Variants in CFAP77 observed in about 807,000 individuals in gnomAD.
CFAP77 encodes cilia and flagella associated protein 77, also known as cilia- and flagella-associated protein 77.
In CFAP77, 25 loss-of-function variants were observed where a neutral mutation model predicts 31.1. The observed-to-expected ratio is 0.80, with a 90% confidence interval of 0.59 to 1.12. CFAP77 has a LOEUF of 1.12. Among genes scored for constraint, CFAP77 ranks in the 50% most tolerant of loss-of-function variants. The pLI is 0.00. For missense variants in CFAP77, 377 were observed against 397.3 expected (o/e 0.95, Z 0.44); for synonymous variants, 151 against 159.9 (o/e 0.94, Z 0.42).
At chr9:132,543,609 G>T (rs946256396) in intron 5 of CFAP77, among the ~76,000 whole-genome samples, 2 of 152,204 alleles carry the variant, frequency 1.3e-5, no homozygotes, top group African/African-American at 4.8e-5. Context: ...ATCCTGCGCT[G>T]GGAATTTTGG....
At chr9:132,432,814 C>T (rs537642276) in intron 1 of CFAP77, among the ~76,000 whole-genome samples, 27 of 151,642 alleles carry the variant, frequency 1.8e-4, no homozygotes, top group East Asian at 7.8e-4. Flanking sequence ...CCCGGGTTCA[C>T]GCCATTCTCC....
chr9:132,433,231 T>C (rs1850443568), intron 1 of CFAP77, among the ~76,000 whole-genome samples: 1 of 152,170 alleles, frequency 6.6e-6, no homozygotes, highest in African/African-American at 2.4e-5. Context: ...GAGACAGATG[T>C]GTGTAAAGCT....
Position 132,497,938 on chromosome 9 carries a change from G to A in CFAP77, c.196-757G>A, listed in dbSNP as rs890455231. Among the ~76,000 whole-genome samples the A allele has an allele frequency of 3.3e-5, 5 of 152,180 alleles. No individual in the cohort carries two copies. The highest frequency in any genetic ancestry group is 1.2e-4 in the African/African-American group (5 of 41,444). On this transcript the variant is annotated intron_variant, in intron 1 of 5. Coordinates refer to ENST00000393216, the MANE Select transcript of CFAP77 (RefSeq NM_001282957.2). The surrounding 1 kb of genome is among the most constrained non-coding windows in gnomAD (Gnocchi z 4.9). ...TCAAGAGCGCCAGTCAAGAGGACAG[G>A]CACGCCTCCATGCGATGCCCTGCCC...
intron 3 of CFAP77, among the ~76,000 whole-genome samples, chr9:132,512,583 G>C (rs1483660009): frequency 6.6e-6 from 1 of 152,200 alleles, no homozygotes; most frequent in African/African-American, 2.4e-5. Flanking sequence ...GCTTCCCCTG[G>C]AGTCTTGCTA....
intron 1 of CFAP77, among the ~76,000 whole-genome samples, chr9:132,423,918 AG>A (rs1417586741): frequency 6.6e-6 from 1 of 152,226 alleles, no homozygotes; most frequent in African/African-American, 2.4e-5. Flanking sequence ...AGAAGAATCC[AG>A]TTAATCCATG....
chr9:132,495,068 G>T lies in CFAP77; in HGVS notation c.196-3627G>T, dbSNP rs1407000824. Among the ~76,000 whole-genome samples, 4 of 152,200 alleles carry T rather than the reference G, an allele frequency of 2.6e-5. No individual in the cohort carries two copies. The highest frequency in any genetic ancestry group is 5.9e-5 in the Non-Finnish European group (4 of 68,038). ...TTGCAAGACAGTGAATTTCATAAGAGCAGGGCTGTGTGTCTGATCTGTTCA... is the reference window on the plus strand; with the variant it reads ...TTGCAAGACAGTGAATTTCATAAGATCAGGGCTGTGTGTCTGATCTGTTCA... On this transcript the variant is annotated intron_variant, in intron 1 of 5. Coordinates refer to ENST00000393216, the MANE Select transcript of CFAP77 (RefSeq NM_001282957.2). This position sits in a 1 kb window ranked among gnomAD's most constrained non-coding sequence, Gnocchi z 4.2.
At chr9:132,416,100 G>A (rs1564196390) in intron 1 of CFAP77, among the ~76,000 whole-genome samples, 2 of 152,040 alleles carry the variant, frequency 1.3e-5, no homozygotes, top group Admixed American at 1.3e-4. Context: ...TGGGCTGAGC[G>A]AATCCCTTGG....
At chr9:132,414,178 A>C (rs541655887) in intron 1 of CFAP77, among the ~76,000 whole-genome samples, 1 of 152,374 alleles carries the variant, frequency 6.6e-6, no homozygotes, top group South Asian at 2.1e-4. Context: ...TCACAGATGA[A>C]TCAGATCCCA....
rs930230672 is a variant in CFAP77 at position 132,410,452 on chromosome 9, C to A, written c.181C>A (p.Pro61Thr). The A allele has an allele frequency of 1.9e-6, 3 of 1,585,502 alleles. No individual in the cohort carries two copies. Among genetic ancestry groups the A allele is most frequent in the African/African-American group, 1.4e-5 (1 of 71,120 alleles). The change falls in exon 1 of 6, where the codon CCT becomes ACT. Residue 61 changes from proline (P) to threonine (T), a missense_variant. Physicochemically the swap from Pro to Thr is conservative, Grantham distance 38. Transcript: ENST00000393216. ...GVVRDSMFQN[P>T]LIVKAELGKP... ...CGTGCGGGACTCCATGTTTCAGAAC[C>A]CTCTCATCGTCAAGGTGAGCACCCC...
chr9:132,435,936 A>G (rs1850497918), intron 1 of CFAP77, among the ~76,000 whole-genome samples: 1 of 152,140 alleles, frequency 6.6e-6, no homozygotes. Context: ...TATGCTAATG[A>G]GTCTGAATTT....
At position 132,502,818 on chromosome 9, in the gene CFAP77, C is replaced by A. The variant is rs771422535; in HGVS notation, c.524+3218C>A. On this transcript the variant is annotated intron_variant, in intron 3 of 5. Transcript: ENST00000393216. ...TGCTTTCAGTTCTTTTGGGTGTAGA[C>A]CCCGTAGTGGGATTGCGGGATCAGG... Among the ~76,000 whole-genome samples the A allele has an allele frequency of 1.3e-4, 20 of 152,178 alleles. No individual in the cohort carries two copies. In the Middle Eastern group the frequency reaches 0.01, roughly 78 times the overall value.
chr9:132,458,607 C>T (rs371788452), intron 1 of CFAP77, among the ~76,000 whole-genome samples: 2 of 152,130 alleles, frequency 1.3e-5, no homozygotes, highest in Admixed American at 6.5e-5. Context: ...CAGCACTGTC[C>T]GGTGGAACTT....
intron 1 of CFAP77, among the ~76,000 whole-genome samples, chr9:132,451,995 G>A (rs1268463321): frequency 2.0e-5 from 3 of 151,846 alleles, no homozygotes; most frequent in Non-Finnish European, 4.4e-5. Flanking sequence ...TAGTAGAGAC[G>A]GGGTTTCACT....
chr9:132,421,142 G>T (rs1265720114), intron 1 of CFAP77, among the ~76,000 whole-genome samples: 1 of 151,680 alleles, frequency 6.6e-6, no homozygotes, highest in African/African-American at 2.4e-5. Context: ...CAAGTAGCTG[G>T]AATTACAGGC....
At chr9:132,562,786 G>A (rs1465521717) in intron 5 of CFAP77, among the ~76,000 whole-genome samples, 4 of 151,190 alleles carry the variant, frequency 2.6e-5, no homozygotes, top group East Asian at 2.0e-4. Context: ...TGCAACCTCC[G>A]CCTCCCAGGT....
chr9:132,458,197 A>C (rs1232515772), intron 1 of CFAP77, among the ~76,000 whole-genome samples: 1 of 151,972 alleles, frequency 6.6e-6, no homozygotes, highest in Admixed American at 6.5e-5. Context: ...ATAAAGAGGG[A>C]CCCCGTTATC....
chr9:132,513,998 G>C (rs1852093319), intron 3 of CFAP77, among the ~76,000 whole-genome samples: 1 of 86,964 alleles, frequency 1.1e-5, no homozygotes, highest in Admixed American at 1.1e-4. Context: ...GGGTGACAGT[G>C]AGATGACCCT....
intron 5 of CFAP77, among the ~76,000 whole-genome samples, chr9:132,571,392 C>T (rs1829957807): frequency 2.0e-5 from 3 of 152,138 alleles, no homozygotes; most frequent in African/African-American, 7.2e-5. Context: ...TCCCCAGGAC[C>T]CACCCAATTT....
intron 1 of CFAP77, among the ~76,000 whole-genome samples, chr9:132,419,767 A>G (rs927182265): frequency 6.6e-6 from 1 of 152,184 alleles, no homozygotes; most frequent in Non-Finnish European, 1.5e-5. Context: ...TACAATGTGC[A>G]AGGGACCGGA....
Sources: allele counts gnomAD v4.1 joint callset (sites outside exome capture counted in the v4.1 genomes callset), GRCh38; gene constraint gnomAD v4.1.1; non-coding constraint Gnocchi (gnomAD v3.1); transcripts MANE v1.5; gene names NCBI Gene and HGNC (gene_info 2026-07-23, HGNC 2026-07-21).